Variants in GRID2 observed in about 807,000 individuals in gnomAD.
GRID2 encodes glutamate receptor ionotropic, delta-2.
Under a neutral mutation model 114.8 loss-of-function variants are expected in GRID2, and 33 were observed. The ratio of observed to expected loss-of-function variants is 0.29; its 90% confidence interval spans 0.22 to 0.38. The LOEUF (loss-of-function observed/expected upper bound fraction) is 0.38. GRID2 is among the 10% of genes least tolerant of loss of function. GRID2 has a pLI of 1.00. For synonymous variants in GRID2, 505 were observed against 449.9 expected, an observed-to-expected ratio of 1.12 and a Z score of -1.55; for missense variants, 1,184 against 1,257.7, an observed-to-expected ratio of 0.94 and a Z score of 0.89.
At chr4:93,614,914 T>G (rs1403851053) in intron 13 of GRID2, among the ~76,000 whole-genome samples, 1 of 152,240 alleles carries the variant, frequency 6.6e-6, no homozygotes, top group Non-Finnish European at 1.5e-5. Flanking sequence ...AGGACAATTT[T>G]ACTCTTTCTT....
intron 2 of GRID2, among the ~76,000 whole-genome samples, chr4:92,664,806 A>C (rs1017312993): frequency 6.6e-6 from 1 of 151,098 alleles, no homozygotes; most frequent in African/African-American, 2.4e-5. Context: ...TAACCTTTTT[A>C]AATTTAATGT....
At chr4:92,923,687 AAGG>A (rs1749556712) in intron 2 of GRID2, among the ~76,000 whole-genome samples, 1 of 152,226 alleles carries the variant, frequency 6.6e-6, no homozygotes, top group South Asian at 2.1e-4. Flanking sequence ...GGCAATATAA[AAGG>A]AGGAAATAAT....
chr4:92,548,108 G>C (rs146550958), intron 1 of GRID2, among the ~76,000 whole-genome samples: 89 of 152,184 alleles, frequency 5.8e-4, no homozygotes, highest in African/African-American at 2.1e-3. Context: ...ATAATACTCT[G>C]AAGTTTAACA....
chr4:92,977,657 C>T (rs1247390406), intron 2 of GRID2, among the ~76,000 whole-genome samples: 2 of 152,070 alleles, frequency 1.3e-5, no homozygotes, highest in Non-Finnish European at 2.9e-5. Flanking sequence ...AAAACCATTG[C>T]TGTAATGTGG....
At chr4:93,046,952 CA>C (rs1726198510) in intron 2 of GRID2, among the ~76,000 whole-genome samples, 1 of 151,924 alleles carries the variant, frequency 6.6e-6, no homozygotes, top group African/African-American at 2.4e-5. Flanking sequence ...CACTTGACAT[CA>C]GCCATGTAAT....
chr4:92,610,005 A>G (rs1729643540), intron 2 of GRID2, among the ~76,000 whole-genome samples: 1 of 151,800 alleles, frequency 6.6e-6, no homozygotes, highest in African/African-American at 2.4e-5. Flanking sequence ...ACTATTCAAA[A>G]GAGTCCCTTA....
At chr4:92,801,303 T>C (rs1740154542) in intron 2 of GRID2, among the ~76,000 whole-genome samples, 1 of 151,996 alleles carries the variant, frequency 6.6e-6, no homozygotes, top group Admixed American at 6.6e-5. Context: ...GTTTAACATA[T>C]GTTCACAATA....
intron 2 of GRID2, among the ~76,000 whole-genome samples, chr4:93,000,589 T>A (rs927203847): frequency 1.3e-5 from 2 of 151,668 alleles, no homozygotes; most frequent in Non-Finnish European, 3.0e-5. Flanking sequence ...TTAATAGTGC[T>A]CTAGCACAGC....
intron 1 of GRID2, among the ~76,000 whole-genome samples, chr4:92,306,644 T>C (rs1456438905): frequency 1.3e-5 from 2 of 152,234 alleles, no homozygotes; most frequent in East Asian, 3.8e-4. Context: ...ATACATTATT[T>C]ACAAATACCT....
At chr4:93,284,837 G>A (rs995418350) in intron 8 of GRID2, among the ~76,000 whole-genome samples, 6 of 151,850 alleles carry the variant, frequency 4.0e-5, no homozygotes, top group Non-Finnish European at 7.4e-5. Context: ...GCTTTTCAGC[G>A]AGACTTGGTT....
At chr4:92,999,678 A>G (rs1157061747) in intron 2 of GRID2, among the ~76,000 whole-genome samples, 2 of 151,616 alleles carry the variant, frequency 1.3e-5, no homozygotes, top group African/African-American at 4.8e-5. Context: ...TAGTTTTGCT[A>G]TCATAAACAA....
chr4:93,371,679 TACTC>T (rs1205970982), intron 8 of GRID2, among the ~76,000 whole-genome samples: 2 of 151,362 alleles, frequency 1.3e-5, no homozygotes, highest in Non-Finnish European at 2.9e-5. Flanking sequence ...TGGATGAAAA[TACTC>T]CATACATCAC....
intron 2 of GRID2, among the ~76,000 whole-genome samples, chr4:92,728,391 A>T (rs1736163547): frequency 6.6e-6 from 1 of 152,110 alleles, no homozygotes. Context: ...AAGTGGTTTC[A>T]TCTGAAGGTT....
chr4:93,562,203 T>C (rs919145123), intron 13 of GRID2, among the ~76,000 whole-genome samples: 2 of 152,086 alleles, frequency 1.3e-5, no homozygotes, highest in African/African-American at 4.8e-5. Context: ...AGAGTTTTTT[T>C]TTTTATTTTG....
Position 92,382,686 on chromosome 4 carries a change from G to A in GRID2, c.88+77942G>A, listed in dbSNP as rs1199183693. ...ATAAATTCACTTTCAAATTTAGAAAGGGATGACCCTTATTTTATAATTATT... is the reference window on the plus strand; with the variant it reads ...ATAAATTCACTTTCAAATTTAGAAAAGGATGACCCTTATTTTATAATTATT... On this transcript the variant is annotated intron_variant, in intron 1 of 15. Coordinates refer to ENST00000282020, the MANE Select transcript of GRID2 (RefSeq NM_001510.4). 5.5e-4 allele frequency among the ~76,000 whole-genome samples: 83 copies of A among 152,054 alleles called. 1 individual carries two copies. The highest frequency in any genetic ancestry group is 1.2e-4 in the Non-Finnish European group (8 of 67,974).
chr4:93,348,291 C>G (rs765490379), intron 8 of GRID2, among the ~76,000 whole-genome samples: 4 of 152,078 alleles, frequency 2.6e-5, no homozygotes, highest in Non-Finnish European at 4.4e-5. Context: ...AAGGTAATAT[C>G]TGTTTAATTC....
At chr4:92,675,551 ATT>A (rs576488084) in intron 2 of GRID2, among the ~76,000 whole-genome samples, 9 of 132,974 alleles carry the variant, frequency 6.8e-5, no homozygotes, top group Admixed American at 2.3e-4. Flanking sequence ...TTGGGCTACA[ATT>A]TTTTTTTTTT....
intron 2 of GRID2, among the ~76,000 whole-genome samples, chr4:92,753,060 T>C (rs1442693555): frequency 6.6e-6 from 1 of 152,170 alleles, no homozygotes; most frequent in Non-Finnish European, 1.5e-5. Context: ...GATTTCTATA[T>C]TTTACTGTTT....
intron 2 of GRID2, among the ~76,000 whole-genome samples, chr4:92,617,163 A>G (rs768894472): frequency 2.6e-5 from 4 of 151,258 alleles, no homozygotes; most frequent in Non-Finnish European, 4.4e-5. Flanking sequence ...GTTCCTATCT[A>G]GCTCTAATTT....
Sources: gnomAD v4.1 joint callset for allele counts (sites outside exome capture counted in the v4.1 genomes callset) on GRCh38, gnomAD v4.1.1 for gene constraint, MANE v1.5 for transcripts, NCBI Gene and HGNC (gene_info 2026-07-23, HGNC 2026-07-21) for gene names.